The following ACCSL variants were observed in gnomAD, a reference collection of about 807,000 sequenced individuals.
ACCSL encodes probable inactive 1-aminocyclopropane-1-carboxylate synthase-like protein 2.
Under a neutral mutation model 61.7 loss-of-function variants are expected in ACCSL, and 55 were observed. The observed-to-expected ratio is 0.89, with a 90% confidence interval of 0.72 to 1.12. ACCSL has a LOEUF of 1.12. ACCSL is among the 50% of genes most tolerant of loss of function. ACCSL has a pLI of 0.00. For missense variants in ACCSL, 632 were observed against 698.0 expected (o/e 0.91, Z 1.07); for synonymous variants, 258 against 264.3 (o/e 0.98, Z 0.23).
chr11:44,042,515 A>C, the ACCSL span, among the ~76,000 whole-genome samples: 5 of 151,402 alleles, frequency 3.3e-5, no homozygotes, highest in African/African-American at 1.2e-4. Context: ...TAGAGATGAG[A>C]TCTCACTATG....
chr11:43,981,596 G>A, the ACCSL span, among the ~76,000 whole-genome samples: 11 of 152,290 alleles, frequency 7.2e-5, no homozygotes, highest in African/African-American at 2.4e-4. Context: ...CTCCTTCCTC[G>A]CAGCTGGCAG....
At chr11:44,040,437 T>C in the ACCSL span, among the ~76,000 whole-genome samples, 11 of 152,166 alleles carry the variant, frequency 7.2e-5, no homozygotes, top group Non-Finnish European at 1.5e-4. Flanking sequence ...TTCTCTGTAA[T>C]GGGGCAAAGA....
chr11:43,937,187 C>T, the ACCSL span, among the ~76,000 whole-genome samples: 2 of 152,166 alleles, frequency 1.3e-5, no homozygotes, highest in African/African-American at 4.8e-5. Flanking sequence ...CAGTCCATGC[C>T]ACAGGGACCT....
chr11:44,012,736 C>A, the ACCSL span, among the ~76,000 whole-genome samples: 1 of 152,196 alleles, frequency 6.6e-6, no homozygotes, highest in Non-Finnish European at 1.5e-5. Flanking sequence ...ATGTTCATTG[C>A]AGTGTTTTTT....
chr11:43,938,123 G>A, the ACCSL span, among the ~76,000 whole-genome samples: 4 of 152,212 alleles, frequency 2.6e-5, no homozygotes, highest in South Asian at 8.3e-4. Flanking sequence ...CCACAGCTGG[G>A]TGGATAGCTA....
the ACCSL span, among the ~76,000 whole-genome samples, chr11:43,983,149 C>T: frequency 6.6e-6 from 1 of 152,246 alleles, no homozygotes; most frequent in African/African-American, 2.4e-5. Flanking sequence ...CCTATTTTGG[C>T]CCATCCCCCA....
the ACCSL span, among the ~76,000 whole-genome samples, chr11:43,938,497 T>C: frequency 6.6e-6 from 1 of 152,208 alleles, no homozygotes; most frequent in Non-Finnish European, 1.5e-5. Context: ...TACCCTTCTG[T>C]TTCCCATTCA....
chr11:44,016,113 A>T, the ACCSL span, among the ~76,000 whole-genome samples: 1 of 152,170 alleles, frequency 6.6e-6, no homozygotes, highest in East Asian at 1.9e-4. Context: ...ACCTCCAAGC[A>T]TTGATAGGGG....
At chr11:43,965,760 A>T in the ACCSL span, among the ~76,000 whole-genome samples, 1 of 152,240 alleles carries the variant, frequency 6.6e-6, no homozygotes, top group Non-Finnish European at 1.5e-5. Flanking sequence ...AAACATGTAG[A>T]TCATGAACAG....
At chr11:44,055,396 G>A in intron 9 of ACCSL, 105 bp downstream of exon 9, 2 of 759,756 alleles carry the variant, frequency 2.6e-6, no homozygotes, top group Non-Finnish European at 2.2e-6. Flanking sequence ...CACATAGCCA[G>A]TTAACTGCCC....
At chr11:43,934,625 G>T in the ACCSL span, among the ~76,000 whole-genome samples, 19 of 152,300 alleles carry the variant, frequency 1.2e-4, no homozygotes, top group Middle Eastern at 3.4e-3. Context: ...AGAGTTCTGG[G>T]TGAGGCGGGG....
At chr11:43,922,432 G>C in the ACCSL span, among the ~76,000 whole-genome samples, 5 of 152,230 alleles carry the variant, frequency 3.3e-5, no homozygotes, top group Admixed American at 3.3e-4. Flanking sequence ...TGTGGAGCTG[G>C]TCACAGCTGA....
chr11:43,989,360 G>A, the ACCSL span, among the ~76,000 whole-genome samples: 1 of 152,242 alleles, frequency 6.6e-6, no homozygotes, highest in East Asian at 1.9e-4. Context: ...AGCCCTCCAC[G>A]GATCTCCCCT....
chr11:44,023,041 C>CTTTTTTTTTTTTTTTTTTTTTTTTTTT, the ACCSL span, among the ~76,000 whole-genome samples: 2 of 86,452 alleles, frequency 2.3e-5, no homozygotes, highest in Non-Finnish European at 2.2e-5. Context: ...TCTTCTTCTT[C>CTTTTTTTTTTTTTTTTTTTTTTTTTTT]TTTTTTTTTT....
the ACCSL span, among the ~76,000 whole-genome samples, chr11:43,924,541 C>T: frequency 6.6e-6 from 1 of 151,818 alleles, no homozygotes; most frequent in African/African-American, 2.4e-5. Flanking sequence ...ACCTGGAGGC[C>T]GGAGGCCGGA....
the ACCSL span, among the ~76,000 whole-genome samples, chr11:43,984,508 G>T: frequency 6.6e-6 from 1 of 152,174 alleles, no homozygotes. Context: ...GTTATCCTCT[G>T]CCCTGCAACT....
the ACCSL span, among the ~76,000 whole-genome samples, chr11:43,967,674 CTCTG>C: frequency 2.0e-5 from 3 of 152,090 alleles, no homozygotes; most frequent in Non-Finnish European, 4.4e-5. Flanking sequence ...CAGCAGCATT[CTCTG>C]TCTACCAGGT....
chr11:43,923,602 G>T, the ACCSL span, among the ~76,000 whole-genome samples: 1 of 152,162 alleles, frequency 6.6e-6, no homozygotes, highest in African/African-American at 2.4e-5. Flanking sequence ...CTGCATCTGG[G>T]TGTCAATAGG....
chr11:43,954,743 C>T, the ACCSL span, among the ~76,000 whole-genome samples: 1 of 152,254 alleles, frequency 6.6e-6, no homozygotes, highest in East Asian at 1.9e-4. Context: ...CGCCACCACA[C>T]CCGGCTAATT....
Sources: gnomAD v4.1 joint callset for allele counts (sites outside exome capture counted in the v4.1 genomes callset) on GRCh38, gnomAD v4.1.1 for gene constraint, MANE v1.5 for transcripts, NCBI Gene and HGNC (gene_info 2026-07-23, HGNC 2026-07-21) for gene names.